MACF1: variants seen among roughly 807,000 people sequenced by gnomAD.
The protein encoded by MACF1 is microtubule-actin cross-linking factor 1.
In MACF1, 193 loss-of-function variants were observed where a neutral mutation model predicts 854.8. That is an observed-to-expected ratio of 0.23 (90% CI 0.20 to 0.25). The LOEUF is 0.25. Among genes scored for constraint, MACF1 ranks in the 10% least tolerant of loss-of-function variants. MACF1 has a pLI of 1.00. For synonymous variants in MACF1, 3,185 were observed against 3,226.7 expected (o/e 0.99, Z 0.44); for missense variants, 7,722 against 8,929.1 (o/e 0.86, Z 5.45).
chr1:39,300,443 A>G (rs1162567471), intron 22 of MACF1, 81 bp downstream of exon 22: 3 of 1,359,572 alleles, frequency 2.2e-6, no homozygotes, highest in Non-Finnish European at 2.0e-6. Flanking sequence ...TTATGATGAT[A>G]AAAGATCAAA....
chr1:39,175,676 G>C (rs1414879744), intron 2 of MACF1, among the ~76,000 whole-genome samples: 1 of 152,034 alleles, frequency 6.6e-6, no homozygotes, highest in Non-Finnish European at 1.5e-5. Flanking sequence ...CTCACTGCCG[G>C]GGGCAGTGGC....
intron 2 of MACF1, among the ~76,000 whole-genome samples, chr1:39,119,996 G>C (rs1325690283): frequency 6.8e-6 from 1 of 147,192 alleles, no homozygotes; most frequent in East Asian, 2.0e-4. Context: ...CGATTCTACT[G>C]CCTCAGCCTC....
chr1:39,475,124 G>T (rs114738478), intron 97 of MACF1, among the ~76,000 whole-genome samples: 2 of 152,078 alleles, frequency 1.3e-5, no homozygotes, highest in Non-Finnish European at 2.9e-5. Context: ...GAAAAGTCAC[G>T]GTCAAATGAA....
intron 6 of MACF1, chr1:39,260,371 T>C (rs1299603399): frequency 1.3e-5 from 2 of 151,668 alleles, no homozygotes; most frequent in Middle Eastern, 3.4e-3. Context: ...TCTTTTCTTT[T>C]TTTTTTTTTT....
chr1:39,237,910 A>T (rs931097989), intron 2 of MACF1, among the ~76,000 whole-genome samples: 1 of 152,296 alleles, frequency 6.6e-6, no homozygotes, highest in Admixed American at 6.5e-5. Flanking sequence ...GAAGTTTGAG[A>T]TTTTAAAAAA....
chr1:39,268,345 T>G (rs887806478), intron 6 of MACF1: 2 of 596,072 alleles, frequency 3.4e-6, no homozygotes, highest in Non-Finnish European at 4.2e-6. Flanking sequence ...AGCTCCTTTT[T>G]GCTTTCTGTT....
At chr1:39,272,794 T>C (rs1454852759) in intron 6 of MACF1, among the ~76,000 whole-genome samples, 1 of 152,206 alleles carries the variant, frequency 6.6e-6, no homozygotes, top group Non-Finnish European at 1.5e-5. Context: ...AATACTTCTT[T>C]TGTCAAGAAA....
At chr1:39,351,827 A>G (rs1331906069) in intron 43 of MACF1, among the ~76,000 whole-genome samples, 2 of 152,000 alleles carry the variant, frequency 1.3e-5, no homozygotes, top group Non-Finnish European at 2.9e-5. Context: ...ACCTCAAGTG[A>G]TCCTCCTGCC....
At chr1:39,259,665 C>T (rs1403205931) in intron 6 of MACF1, among the ~76,000 whole-genome samples, 4 of 151,380 alleles carry the variant, frequency 2.6e-5, no homozygotes, top group Non-Finnish European at 2.9e-5. Flanking sequence ...TCTTGTTGCC[C>T]GGGCTAGAGT....
intron 2 of MACF1, among the ~76,000 whole-genome samples, chr1:39,119,628 G>A (rs960466063): frequency 2.6e-5 from 4 of 152,150 alleles, no homozygotes; most frequent in Non-Finnish European, 4.4e-5. Flanking sequence ...CTTTCCACGT[G>A]GTTGTCCCAC....
At chr1:39,272,117 G>A (rs1017639000) in intron 6 of MACF1, among the ~76,000 whole-genome samples, 2 of 152,180 alleles carry the variant, frequency 1.3e-5, no homozygotes, top group Non-Finnish European at 2.9e-5. Context: ...CAGACACCTG[G>A]CATATTTCCA....
At chr1:39,348,251 T>C (rs1647101359) in intron 41 of MACF1, among the ~76,000 whole-genome samples, 1 of 152,122 alleles carries the variant, frequency 6.6e-6, no homozygotes, top group South Asian at 2.1e-4. Flanking sequence ...CATTCAGGAG[T>C]TTATATAGCA....
At chr1:39,386,077 A>G (rs1417513157) in intron 57 of MACF1, 148 bp downstream of exon 57, 2 of 868,458 alleles carry the variant, frequency 2.3e-6, no homozygotes, top group Non-Finnish European at 3.4e-6. Context: ...TCCTAGTTGC[A>G]GTGAGAACTG....
rs780741312 is a variant in MACF1 at position 39,347,065 on chromosome 1, A to G, written c.10670A>G (p.Asp3557Gly). Residue 3557 changes from aspartate to glycine, a missense_variant, in exon 41 of 101, where the codon GAC (aspartate) becomes GGC (glycine). Asp to Gly is a moderately conservative substitution (Grantham distance 94). Around this residue, in one of 15 missense-constraint regions of MACF1, gnomAD observed 854 missense variants for 852.6 expected, o/e 1.00. Transcript: ENST00000564288. Reference protein sequence around the residue: ...IQFFISEHAQDLSPQQNRQML... With the variant: ...IQFFISEHAQGLSPQQNRQML... ...TTCTTTATCTCAGAACATGCCCAGG[A>G]CTTGTCCCCTCAGCAGAATCGACAG... The G allele has an allele frequency of 1.2e-6, 2 of 1,614,118 alleles. No homozygotes were observed. Among genetic ancestry groups the G allele is most frequent in the Non-Finnish European group, 1.7e-6 (2 of 1,179,976 alleles).
At position 39,451,290 on chromosome 1, in the gene MACF1, G is replaced by A. The variant is rs1284170469; in HGVS notation, c.20418+79G>A. Reference sequence around the variant, plus strand: ...TGCCTAGGGTCTTCTACATATGACTGCCTCTGCCCTTCTTTCTAGGGGAGA... The same window carrying A: ...TGCCTAGGGTCTTCTACATATGACTACCTCTGCCCTTCTTTCTAGGGGAGA... On this transcript the variant is annotated intron_variant, in intron 85 of 100. Coordinates refer to ENST00000564288, the MANE Select transcript of MACF1 (RefSeq NM_001394062.1). 4.4e-6 allele frequency: 6 copies of A among 1,359,218 alleles called. No homozygotes were observed. The African/African-American group carries it at 7.4e-5, about 17-fold the overall frequency. The allele number at this position is 1,359,218 out of a possible 1,614,324, so 84.2% of individuals were successfully genotyped here.
chr1:39,310,803 C>G (rs1180704702), intron 25 of MACF1, 28 bp from the exon 26 acceptor site: 1 of 1,582,948 alleles, frequency 6.3e-7, no homozygotes, highest in Non-Finnish European at 8.6e-7. Flanking sequence ...GTCGAGCTTA[C>G]TGGTCTTTTG....
At chr1:39,122,426 T>A (rs1270698317) in intron 2 of MACF1, among the ~76,000 whole-genome samples, 1 of 151,994 alleles carries the variant, frequency 6.6e-6, no homozygotes, top group Non-Finnish European at 1.5e-5. Context: ...GCTAATTTTT[T>A]GTATTTTTAG....
chr1:39,481,495 C>T (rs1446421263), intron 99 of MACF1, among the ~76,000 whole-genome samples: 1 of 152,176 alleles, frequency 6.6e-6, no homozygotes, highest in African/African-American at 2.4e-5. Context: ...TTGGTATTGC[C>T]ACACCACACT....
intron 2 of MACF1, among the ~76,000 whole-genome samples, chr1:39,109,053 T>G (rs144103667): frequency 1.3e-5 from 2 of 152,166 alleles, no homozygotes; most frequent in African/African-American, 2.4e-5. Context: ...TGTACAAAAT[T>G]GATATCGTAG....
Sources: gnomAD v4.1 joint callset for allele counts (sites outside exome capture counted in the v4.1 genomes callset) on GRCh38, gnomAD v4.1.1 for gene constraint, gnomAD v4.1.1 regional missense constraint, MANE v1.5 for transcripts, NCBI Gene and HGNC (gene_info 2026-07-23, HGNC 2026-07-21) for gene names.